GSR: variants seen among roughly 807,000 people sequenced by gnomAD.
GSR encodes glutathione-disulfide reductase.
Under a neutral mutation model 56.5 loss-of-function variants are expected in GSR, and 48 were observed. The ratio of observed to expected loss-of-function variants is 0.85; its 90% CI spans 0.67 to 1.08. The LOEUF is 1.08. Among genes scored for constraint, GSR ranks in the 50% least tolerant of loss-of-function variants. The pLI is 0.00. For synonymous variants in GSR, 264 were observed against 270.8 expected, an observed-to-expected ratio of 0.97 and a Z score of 0.25; for missense variants, 694 against 703.3, an observed-to-expected ratio of 0.99 and a Z score of 0.15.
intron 9 of GSR, among the ~76,000 whole-genome samples, chr8:30,684,632 C>T (rs561449752): frequency 2.0e-5 from 3 of 152,308 alleles, no homozygotes; most frequent in South Asian, 4.1e-4. Context: ...AAGAGGATCA[C>T]TCAACTATCA....
In GSR at chr8:30,679,486, G is replaced by A; in HGVS notation, c.*34C>T. The A allele has an allele frequency of 6.2e-7, 1 of 1,601,042 alleles. No individual in the cohort carries two copies. Among genetic ancestry groups the A allele is most frequent in the Non-Finnish European group, 8.6e-7 (1 of 1,168,366 alleles). ...TTTGTTTCATTTCAGAAGATCTATGGGTCCCACTGCCCGCCACACGTGTCT... is the reference window on the plus strand; with the variant it reads ...TTTGTTTCATTTCAGAAGATCTATGAGTCCCACTGCCCGCCACACGTGTCT... On this transcript the variant is annotated 3_prime_UTR_variant, in exon 13 of 13. Transcript: ENST00000221130.
chr8:30,706,050 C>A (rs1586055863), intron 4 of GSR, among the ~76,000 whole-genome samples: 1 of 151,956 alleles, frequency 6.6e-6, no homozygotes, highest in East Asian at 1.9e-4. Flanking sequence ...GTGGCTGATG[C>A]CTGTAATCCC....
chr8:30,702,212 C>T (rs531834212), intron 5 of GSR, among the ~76,000 whole-genome samples: 39 of 151,180 alleles, frequency 2.6e-4, no homozygotes, highest in African/African-American at 7.8e-4. Flanking sequence ...CCCAGCTACT[C>T]GGGAGTCTGA....
chr8:30,726,413 C>T (rs1804725617), intron 1 of GSR, among the ~76,000 whole-genome samples: 1 of 152,164 alleles, frequency 6.6e-6, no homozygotes, highest in South Asian at 2.1e-4. Flanking sequence ...TAATCGTCAA[C>T]ACCCAAATCT....
chr8:30,701,482 A>G (rs1803738836), intron 5 of GSR, among the ~76,000 whole-genome samples: 2 of 145,038 alleles, frequency 1.4e-5, no homozygotes, highest in Non-Finnish European at 1.5e-5. Context: ...AAACAAACAA[A>G]CAAAAAAATA....
chr8:30,691,089 G>C (rs989760232), intron 8 of GSR, among the ~76,000 whole-genome samples: 6 of 151,566 alleles, frequency 4.0e-5, no homozygotes, highest in Non-Finnish European at 7.4e-5. Context: ...TAGAGGCCAG[G>C]CATGGTGGCT....
Position 30,696,496 on chromosome 8 carries a change from G to C in GSR, c.696-17C>G, listed in dbSNP as rs769482085. 1.0e-5 allele frequency: 16 copies of C among 1,526,236 alleles called. No homozygotes were observed. The highest frequency in any genetic ancestry group is 1.4e-5 in the Non-Finnish European group (15 of 1,099,860). The allele number at this position is 1,526,236 out of a possible 1,614,324, so 94.5% of individuals were successfully genotyped here. A position where few individuals can be genotyped will look rare whatever the true frequency, so the allele number is the denominator to read the frequency against. ...ACGCTGCGGCTGAGACGCGAGCAGA[G>C]GGTTAGTATTCTTAAATAAACTAAT... On this transcript the variant is annotated splice_polypyrimidine_tract_variant and intron_variant, in intron 6 of 12. Coordinates refer to ENST00000221130, the MANE Select transcript of GSR (RefSeq NM_000637.5).
chr8:30,709,914 A>C lies in GSR; in HGVS notation c.334-12T>G. ...GTGTTCCACATTACCTGTAAAAAAA[A>C]AAAAAAAAAAGGATCCAAAACAGCA... On this transcript the variant is annotated splice_polypyrimidine_tract_variant and intron_variant, in intron 2 of 12. Transcript: ENST00000221130. The C allele has an allele frequency of 6.8e-7, 1 of 1,466,966 alleles. No homozygotes were observed. The allele number at this position is 1,466,966 out of a possible 1,614,324, so 90.9% of individuals were successfully genotyped here. A position where few individuals can be genotyped will look rare whatever the true frequency, so the allele number is the denominator to read the frequency against.
At chr8:30,686,070 C>T (rs922252071) in intron 9 of GSR, among the ~76,000 whole-genome samples, 25 of 150,894 alleles carry the variant, frequency 1.7e-4, no homozygotes, top group African/African-American at 9.7e-5. Flanking sequence ...TGCAACTTAC[C>T]GGTTATGAGA....
At chr8:30,709,761 A>G (rs1027624181) in intron 3 of GSR, 53 bp downstream of exon 3, 5 of 1,019,898 alleles carry the variant, frequency 4.9e-6, no homozygotes, top group Admixed American at 1.7e-5. Context: ...GCTCAGTTAT[A>G]AAAGAAAAAT....
intron 9 of GSR, 133 bp downstream of exon 9, chr8:30,689,027 AC>A (rs1803266174): frequency 5.3e-6 from 4 of 754,306 alleles, no homozygotes; most frequent in Admixed American, 2.2e-5. Context: ...AAATTTGATC[AC>A]AAACTGAATA....
intron 10 of GSR, among the ~76,000 whole-genome samples, chr8:30,683,080 C>T (rs1166163387): frequency 3.9e-5 from 6 of 151,968 alleles, no homozygotes; most frequent in Non-Finnish European, 7.4e-5. Flanking sequence ...CCCACCTCGG[C>T]CTCACAAAGT....
At chr8:30,721,629 G>C (rs1479743091) in intron 1 of GSR, among the ~76,000 whole-genome samples, 2 of 151,106 alleles carry the variant, frequency 1.3e-5, no homozygotes, top group Non-Finnish European at 2.9e-5. Flanking sequence ...CTCCAGCCAG[G>C]GTGACAGAGT....
intron 6 of GSR, among the ~76,000 whole-genome samples, chr8:30,698,451 G>A (rs1803620906): frequency 6.6e-6 from 1 of 152,156 alleles, no homozygotes; most frequent in African/African-American, 2.4e-5. Context: ...AATGCAGGGT[G>A]GATCACAGGG....
intron 6 of GSR, 143 bp downstream of exon 6, chr8:30,699,938 T>C (rs1044824295): frequency 5.3e-6 from 4 of 759,802 alleles, no homozygotes; most frequent in African/African-American, 1.7e-5. Flanking sequence ...GAATGAGATA[T>C]ACAAGGTCAT....
chr8:30,687,673 A>T (rs1293924808), intron 9 of GSR: 3 of 152,284 alleles, frequency 2.0e-5, no homozygotes, highest in Non-Finnish European at 2.9e-5. Flanking sequence ...CAAACAAACA[A>T]ACAAAAAAAC....
chr8:30,702,238 T>C (rs1008017482), intron 5 of GSR, among the ~76,000 whole-genome samples: 2 of 150,626 alleles, frequency 1.3e-5, no homozygotes, highest in African/African-American at 2.4e-5. Flanking sequence ...GAAAATCGCT[T>C]GAACCCAGGA....
intron 5 of GSR, among the ~76,000 whole-genome samples, chr8:30,702,600 T>C (rs1333427704): frequency 1.3e-5 from 2 of 152,178 alleles, no homozygotes; most frequent in Non-Finnish European, 2.9e-5. Flanking sequence ...GAGGCTTTCA[T>C]TGATTTCTCT....
At chr8:30,719,685 T>G (rs566798625) in intron 1 of GSR, among the ~76,000 whole-genome samples, 12 of 152,152 alleles carry the variant, frequency 7.9e-5, no homozygotes, top group African/African-American at 2.6e-4. Flanking sequence ...AGAACCCCGA[T>G]CAGTGGGCCT....
Sources: gnomAD v4.1 joint callset for allele counts (sites outside exome capture counted in the v4.1 genomes callset) on GRCh38, gnomAD v4.1.1 for gene constraint, MANE v1.5 for transcripts, NCBI Gene and HGNC (gene_info 2026-07-23, HGNC 2026-07-21) for gene names.